KCNAB1: variants seen among roughly 807,000 people sequenced by gnomAD.
The protein encoded by KCNAB1 is voltage-gated potassium channel subunit beta-1.
In KCNAB1, 35 loss-of-function variants were observed where a neutral mutation model predicts 64.6. The ratio of observed to expected loss-of-function variants is 0.54; its 90% confidence interval spans 0.41 to 0.72. KCNAB1 has a LOEUF of 0.72. Among genes scored for constraint, KCNAB1 ranks in the 30% least tolerant of loss-of-function variants. The pLI, the probability that KCNAB1 is intolerant of heterozygous loss-of-function variation, is 0.00. For synonymous variants in KCNAB1, 177 were observed against 183.8 expected (o/e 0.96, Z 0.30); for missense variants, 401 against 512.9 (o/e 0.78, Z 2.11).
At chr3:156,510,622 C>T (rs1717143652) in intron 8 of KCNAB1, among the ~76,000 whole-genome samples, 2 of 152,214 alleles carry the variant, frequency 1.3e-5, no homozygotes, top group African/African-American at 2.4e-5. Flanking sequence ...TCCACTCATT[C>T]TTCCATTGAG....
intron 8 of KCNAB1, among the ~76,000 whole-genome samples, chr3:156,479,995 A>G (rs976202790): frequency 6.6e-6 from 1 of 152,168 alleles, no homozygotes; most frequent in Non-Finnish European, 1.5e-5. Context: ...TCCAATGACA[A>G]CTTAGAAAAT....
intron 8 of KCNAB1, among the ~76,000 whole-genome samples, chr3:156,482,121 C>A (rs772764385): frequency 6.6e-6 from 1 of 152,066 alleles, no homozygotes; most frequent in Non-Finnish European, 1.5e-5. Context: ...TTTCTTATAG[C>A]CCTTTTTTTC....
intron 1 of KCNAB1, among the ~76,000 whole-genome samples, chr3:156,189,141 A>G (rs1695322747): frequency 1.3e-5 from 2 of 152,202 alleles, no homozygotes; most frequent in African/African-American, 4.8e-5. Context: ...TTTATTTGAC[A>G]CATTCTCAGC....
At chr3:156,241,597 AG>A (rs1460290518) in intron 1 of KCNAB1, among the ~76,000 whole-genome samples, 2 of 152,128 alleles carry the variant, frequency 1.3e-5, no homozygotes, top group African/African-American at 2.4e-5. Context: ...TCAGTGGTAG[AG>A]GGTCTGTCTC....
intron 1 of KCNAB1, among the ~76,000 whole-genome samples, chr3:156,182,113 G>T (rs1002103049): frequency 6.6e-6 from 1 of 152,002 alleles, no homozygotes; most frequent in Non-Finnish European, 1.5e-5. Flanking sequence ...TTAGTGTGAG[G>T]TATCCATGTT....
intron 1 of KCNAB1, among the ~76,000 whole-genome samples, chr3:156,393,814 T>A (rs2108173827): frequency 6.6e-6 from 1 of 152,358 alleles, no homozygotes; most frequent in African/African-American, 2.4e-5. Flanking sequence ...ATGTGATTAA[T>A]CTATTCATCT....
intron 1 of KCNAB1, among the ~76,000 whole-genome samples, chr3:156,144,975 T>A (rs1189125379): frequency 6.6e-6 from 1 of 152,208 alleles, no homozygotes; most frequent in Non-Finnish European, 1.5e-5. Context: ...AAAGCAAAGC[T>A]GCCTCAGCTA....
At chr3:156,468,634 C>T (rs1327923699) in intron 7 of KCNAB1, among the ~76,000 whole-genome samples, 1 of 152,140 alleles carries the variant, frequency 6.6e-6, no homozygotes, top group Non-Finnish European at 1.5e-5. Context: ...TCACATTGAG[C>T]ACAGTGTCTG....
Position 156,450,451 on chromosome 3 carries a change from T to C in KCNAB1, c.320-2448T>C, listed in dbSNP as rs138121252. Among the ~76,000 whole-genome samples the C allele has an allele frequency of 9.6e-3, 1,469 of 152,340 alleles. 14 individuals carry two copies. The highest frequency in any genetic ancestry group is 0.034 in the African/African-American group (1,404 of 41,566). On this transcript the variant is annotated intron_variant, in intron 2 of 13. Coordinates refer to ENST00000490337, the MANE Select transcript of KCNAB1 (RefSeq NM_172160.3). ...TCTCTATATCTGTGTTCTCATTTGC[T>C]GCAAGAGAAAATGCCACCCATAAAT...
Position 156,482,466 on chromosome 3 carries a change from G to A in KCNAB1, c.658+7646G>A, listed in dbSNP as rs994433974. ...CATTAGATGGTGATAATAGAATGGA[G>A]AAACAAACTAATCATGGGAGGGGGC... On this transcript the variant is annotated intron_variant, in intron 8 of 13. Coordinates refer to ENST00000490337, the MANE Select transcript of KCNAB1 (RefSeq NM_172160.3). Among the ~76,000 whole-genome samples, 17 of 150,538 alleles carry A rather than the reference G, an allele frequency of 1.1e-4. No homozygotes were observed. In the Admixed American group the frequency reaches 1.1e-3, roughly 10 times the overall value.
chr3:156,401,243 C>G (rs1559866730), intron 1 of KCNAB1, among the ~76,000 whole-genome samples: 2 of 152,024 alleles, frequency 1.3e-5, no homozygotes, highest in Admixed American at 1.3e-4. Flanking sequence ...TCATTGCTAA[C>G]TCTTCTTCTC....
intron 7 of KCNAB1, among the ~76,000 whole-genome samples, chr3:156,473,197 G>A (rs1383132598): frequency 6.6e-6 from 1 of 152,096 alleles, no homozygotes; most frequent in Non-Finnish European, 1.5e-5. Context: ...TGGTTCTGTA[G>A]ACTATGTTAC....
intron 1 of KCNAB1, among the ~76,000 whole-genome samples, chr3:156,312,461 C>T (rs1017928687): frequency 2.6e-5 from 4 of 152,080 alleles, no homozygotes; most frequent in Admixed American, 1.3e-4. Flanking sequence ...TTCATAATAC[C>T]AGCACTTCGG....
intron 1 of KCNAB1, among the ~76,000 whole-genome samples, chr3:156,194,037 C>T (rs1713728615): frequency 6.6e-6 from 1 of 152,044 alleles, no homozygotes; most frequent in Non-Finnish European, 1.5e-5. Context: ...TCTTACCTCC[C>T]ATCCTTTTGT....
chr3:156,180,732 G>T (rs1312586873), intron 1 of KCNAB1, among the ~76,000 whole-genome samples: 1 of 152,168 alleles, frequency 6.6e-6, no homozygotes, highest in Non-Finnish European at 1.5e-5. Context: ...GAACGAGGCG[G>T]GATTCATGCC....
chr3:156,271,171 T>C (rs1719016162), intron 1 of KCNAB1, among the ~76,000 whole-genome samples: 1 of 152,228 alleles, frequency 6.6e-6, no homozygotes. Context: ...TAGCCTTCTT[T>C]GGGTTAAATC....
intron 1 of KCNAB1, among the ~76,000 whole-genome samples, chr3:156,357,159 GCA>G (rs112441885): frequency 0.16 from 23,042 of 146,752 alleles, 1,818 homozygotes; most frequent in Middle Eastern, 0.21. Flanking sequence ...ACATGTGCGC[GCA>G]CACACACACA....
At chr3:156,352,936 G>A (rs1441748008) in intron 1 of KCNAB1, among the ~76,000 whole-genome samples, 1 of 152,220 alleles carries the variant, frequency 6.6e-6, no homozygotes, top group Non-Finnish European at 1.5e-5. Flanking sequence ...TGCTGACAGT[G>A]CAGCCTCTGG....
chr3:156,291,366 T>A, intron 1 of KCNAB1: 1 of 994,442 alleles, frequency 1.0e-6, no homozygotes, highest in African/African-American at 1.7e-5. Flanking sequence ...GGGACCCGCT[T>A]GCGATTAGCT....
Sources: gnomAD v4.1 joint callset for allele counts (sites outside exome capture counted in the v4.1 genomes callset) on GRCh38, gnomAD v4.1.1 for gene constraint, MANE v1.5 for transcripts, NCBI Gene and HGNC (gene_info 2026-07-23, HGNC 2026-07-21) for gene names.